The following SVIL variants were observed in gnomAD, a reference collection of about 807,000 sequenced individuals.
SVIL encodes supervillin, also known as archvillin.
A neutral mutation model predicts 240.4 loss-of-function variants in SVIL; 101 were observed. The observed-to-expected ratio is 0.42, with a 90% confidence interval of 0.36 to 0.50. SVIL has a LOEUF of 0.50. Ranked by LOEUF, SVIL falls within the 20% of genes least tolerant of loss-of-function variation. The pLI is 0.01. For synonymous variants in SVIL, 999 were observed against 1,100.0 expected (o/e 0.91, Z 1.82); for missense variants, 2,512 against 2,818.7 (o/e 0.89, Z 2.46).
chr10:29,670,938 C>T (rs952767443), intron 2 of SVIL: 1 of 152,162 alleles, frequency 6.6e-6, no homozygotes, highest in African/African-American at 2.4e-5. Context: ...TTCCAGGAGT[C>T]CAACAACTCC....
intron 1 of SVIL, among the ~76,000 whole-genome samples, chr10:29,605,271 A>G (rs1441523768): frequency 1.3e-5 from 2 of 152,200 alleles, no homozygotes; most frequent in South Asian, 2.1e-4. Context: ...GCTGTTTTCA[A>G]ACAAAGCTAC....
At chr10:29,527,938 A>G (rs1387788952) in intron 12 of SVIL, among the ~76,000 whole-genome samples, 1 of 151,810 alleles carries the variant, frequency 6.6e-6, no homozygotes, top group Non-Finnish European at 1.5e-5. Context: ...CATGTTGGCC[A>G]GGCTGGTCTT....
intron 18 of SVIL, chr10:29,496,532 G>T: frequency 2.5e-6 from 1 of 399,654 alleles, no homozygotes; most frequent in Non-Finnish European, 5.0e-6. Context: ...TGTCCTGGCC[G>T]GTGCCGGGCA....
intron 33 of SVIL, 38 bp downstream of exon 33, chr10:29,467,704 C>CA (rs373715319): frequency 1.9e-6 from 3 of 1,612,060 alleles, no homozygotes; most frequent in East Asian, 2.2e-5. Flanking sequence ...CAAAAACAAA[C>CA]AAAAAAACCA....
chr10:29,716,798 T>C (rs1220381873), intron 1 of SVIL, among the ~76,000 whole-genome samples: 1 of 152,246 alleles, frequency 6.6e-6, no homozygotes, highest in Non-Finnish European at 1.5e-5. Flanking sequence ...CCAGAAATGA[T>C]TGATCATGTG....
chr10:29,688,580 T>C (rs1272058156), intron 1 of SVIL, among the ~76,000 whole-genome samples: 2 of 152,236 alleles, frequency 1.3e-5, no homozygotes, highest in Non-Finnish European at 2.9e-5. Flanking sequence ...TGTTTCTTCC[T>C]GTTTACAGCA....
chr10:29,510,705 G>C (rs1336780533), intron 17 of SVIL, among the ~76,000 whole-genome samples: 1 of 151,576 alleles, frequency 6.6e-6, no homozygotes, highest in Non-Finnish European at 1.5e-5. Context: ...ATGACTGTCT[G>C]TCCTTCTCCA....
At chr10:29,572,763 C>CAAAAAAAAAAAAAAAAAAAAAAA (rs375180538) in intron 1 of SVIL, among the ~76,000 whole-genome samples, 11 of 81,278 alleles carry the variant, frequency 1.4e-4, no homozygotes, top group Non-Finnish European at 1.6e-4. Context: ...GATCCTATCT[C>CAAAAAAAAAAAAAAAAAAAAAAA]AAAAAAAAAA....
intron 1 of SVIL, among the ~76,000 whole-genome samples, chr10:29,616,517 T>C (rs1158434239): frequency 3.3e-5 from 5 of 152,230 alleles, no homozygotes; most frequent in African/African-American, 1.2e-4. Flanking sequence ...TTAGGATTTA[T>C]TGTACTGCAC....
At chr10:29,638,780 T>C (rs1958391219), upstream of SVIL, among the ~76,000 whole-genome samples, 1 of 152,052 alleles carries the variant, frequency 6.6e-6, no homozygotes. Flanking sequence ...GTGTAGATAC[T>C]TAAAAAGAGC....
Position 29,458,460 on chromosome 10 carries a change from T to G in SVIL, c.6532A>C (p.Ile2178Leu). ...TCGAAGTCTTCGTCGGTGAGATAGA[T>G]CTCAAGCTTCAGAGGATCGACCCCC... ...PEGVDPLKLE[I>L]YLTDEDFEFA... The change falls in exon 37 of 38, where the codon ATC becomes CTC. Residue 2178 changes from isoleucine to leucine, a missense_variant. Ile to Leu is a conservative substitution (Grantham distance 5). Coordinates refer to ENST00000355867, the MANE Select transcript of SVIL (RefSeq NM_021738.3). 2 of 1,580,588 alleles carry G rather than the reference T, an allele frequency of 1.3e-6. No individual in the cohort carries two copies. The highest frequency in any genetic ancestry group is 1.2e-5 in the South Asian group (1 of 85,344).
chr10:29,722,229 A>G (rs1964031713), intron 1 of SVIL, among the ~76,000 whole-genome samples: 1 of 151,538 alleles, frequency 6.6e-6, no homozygotes, highest in East Asian at 1.9e-4. Flanking sequence ...TCTTAAAAAA[A>G]AAAAAAAAAA....
At chr10:29,610,121 T>C (rs962917283) in intron 1 of SVIL, among the ~76,000 whole-genome samples, 1 of 152,146 alleles carries the variant, frequency 6.6e-6, no homozygotes. Context: ...TCCCTGCCAA[T>C]CTGGGTAGTT....
At chr10:29,554,100 A>G (rs534976066) in intron 5 of SVIL, among the ~76,000 whole-genome samples, 1 of 152,332 alleles carries the variant, frequency 6.6e-6, no homozygotes, top group East Asian at 1.9e-4. Flanking sequence ...ATGGAAGGCC[A>G]GATCCGTGAG....
intron 2 of SVIL, among the ~76,000 whole-genome samples, chr10:29,660,890 C>T (rs565640511): frequency 6.6e-6 from 1 of 151,862 alleles, no homozygotes. Context: ...GTGCCTGGGC[C>T]GGGTGTGGTG....
intron 1 of SVIL, among the ~76,000 whole-genome samples, chr10:29,687,370 T>C (rs1257988927): frequency 6.6e-6 from 1 of 152,218 alleles, no homozygotes; most frequent in Non-Finnish European, 1.5e-5. Context: ...AATGTAGATT[T>C]ACTGGGCACT....
rs145812309 is a variant in SVIL at position 29,689,426 on chromosome 10, A to C, written c.-399-2775T>G. ...CAGCTTCCCGAGTAGTGGGGATTAC[A>C]GGCACACACCAACACATCCGGCTAA... On this transcript the variant is annotated intron_variant, in intron 1 of 35. Coordinates refer to the SVIL transcript ENST00000375400. Among the ~76,000 whole-genome samples the C allele has an allele frequency of 4.7e-3, 723 of 152,278 alleles. 9 individuals carry two copies. The highest frequency in any genetic ancestry group is 0.016 in the African/African-American group (676 of 41,554).
intron 1 of SVIL, among the ~76,000 whole-genome samples, chr10:29,599,601 G>C (rs1589358807): frequency 2.0e-5 from 3 of 152,004 alleles, no homozygotes; most frequent in African/African-American, 7.3e-5. Flanking sequence ...ATTTTTAGTA[G>C]AGACGGGGTT....
chr10:29,546,555 T>C (rs1222668021), intron 6 of SVIL, among the ~76,000 whole-genome samples: 1 of 135,332 alleles, frequency 7.4e-6, no homozygotes, highest in African/African-American at 2.8e-5. Flanking sequence ...TCCTAAAGAC[T>C]GTTATTTTGC....
Sources: gnomAD v4.1 joint callset for allele counts (sites outside exome capture counted in the v4.1 genomes callset) on GRCh38, gnomAD v4.1.1 for gene constraint, MANE v1.5 for transcripts, NCBI Gene and HGNC (gene_info 2026-07-23, HGNC 2026-07-21) for gene names.